The following GNG7 variants were observed in gnomAD, a reference collection of about 807,000 sequenced individuals.
GNG7 encodes G protein subunit gamma 7.
GNG7 carries 1 observed loss-of-function variant against 4.0 expected under a neutral mutation model. That is an observed-to-expected ratio of 0.25 (90% CI 0.09 to 1.18). The LOEUF (loss-of-function observed/expected upper bound fraction) is 1.18, where lower values mean the gene tolerates loss of function less well. Ranked by LOEUF, GNG7 falls within the 50% of genes most tolerant of loss-of-function variation. The pLI is 0.50. For missense variants in GNG7, 86 were observed against 91.9 expected (o/e 0.94, Z 0.26); for synonymous variants, 34 against 36.9 (o/e 0.92, Z 0.29).
chr19:2,601,883 C>T (rs1411288434), intron 2 of GNG7, among the ~76,000 whole-genome samples: 2 of 151,706 alleles, frequency 1.3e-5, no homozygotes, highest in African/African-American at 2.4e-5. Flanking sequence ...GCCTGGGCCA[C>T]AGAGTAAGAC....
At chr19:2,576,450 G>A (rs916626083) in intron 2 of GNG7, among the ~76,000 whole-genome samples, 2 of 152,240 alleles carry the variant, frequency 1.3e-5, no homozygotes, top group Non-Finnish European at 2.9e-5. Context: ...GCAGGCGGGG[G>A]ACGGGCACTG....
At chr19:2,695,581 C>T (rs1419870753) in intron 1 of GNG7, among the ~76,000 whole-genome samples, 2 of 151,724 alleles carry the variant, frequency 1.3e-5, no homozygotes, top group Non-Finnish European at 2.9e-5. Flanking sequence ...CCAGGGGCAC[C>T]GGGGAGGTGG....
rs761011504 is a variant in GNG7 at position 2,625,979 on chromosome 19, G to T, written c.-78+20245C>A. On this transcript the variant is annotated intron_variant, in intron 2 of 4. Transcript: ENST00000382159. ...ATTTTTGTATTTTTAGTAGAGATGG[G>T]GTTTCACTATGTTGGCCAGGCTGGT... Among the ~76,000 whole-genome samples, 192 of 152,084 alleles carry T rather than the reference G, an allele frequency of 1.3e-3. 2 individuals carry two copies. The highest frequency in any genetic ancestry group is 0.011 in the East Asian group (57 of 5,136).
chr19:2,697,180 G>A lies in GNG7; in HGVS notation c.-135+5466C>T, dbSNP rs115003843. On this transcript the variant is annotated intron_variant, in intron 1 of 4. Transcript: ENST00000382159. ...AGCTGATAAACTTATTTAAAAGATG[G>A]AATTGCATCCTTAAAAGGTCTGAAT... Among the ~76,000 whole-genome samples, 371 of 152,308 alleles carry A rather than the reference G, an allele frequency of 2.4e-3. 1 individual carries two copies. The highest frequency in any genetic ancestry group is 8.2e-3 in the African/African-American group (339 of 41,566).
intron 4 of GNG7, among the ~76,000 whole-genome samples, chr19:2,515,519 G>A (rs924732908): frequency 4.0e-5 from 6 of 151,542 alleles, no homozygotes; most frequent in Admixed American, 6.6e-5. Context: ...CCTCCACCTC[G>A]CGGGTTCAAG....
chr19:2,523,374 A>G (rs1476585340), intron 3 of GNG7, among the ~76,000 whole-genome samples: 2 of 151,864 alleles, frequency 1.3e-5, no homozygotes, highest in Non-Finnish European at 2.9e-5. Flanking sequence ...CAACATAGCA[A>G]GACCCCCTCT....
chr19:2,696,294 G>GAA (rs1449100354), intron 1 of GNG7, among the ~76,000 whole-genome samples: 1 of 54,948 alleles, frequency 1.8e-5, no homozygotes, highest in African/African-American at 6.9e-5. Flanking sequence ...GAGAGAGAGA[G>GAA]AAAGAAAGAA....
chr19:2,681,453 G>T (rs1205180014), intron 1 of GNG7, among the ~76,000 whole-genome samples: 2 of 152,200 alleles, frequency 1.3e-5, no homozygotes, highest in Non-Finnish European at 2.9e-5. Context: ...AAAGTGCTGG[G>T]ATTGCAGGCG....
intron 1 of GNG7, among the ~76,000 whole-genome samples, chr19:2,689,222 C>G (rs1004291470): frequency 2.0e-5 from 3 of 150,242 alleles, no homozygotes; most frequent in African/African-American, 7.3e-5. Context: ...GAAAAAAATG[C>G]CAATCATACT....
At chr19:2,627,971 G>C (rs1386363906) in intron 2 of GNG7, among the ~76,000 whole-genome samples, 1 of 152,140 alleles carries the variant, frequency 6.6e-6, no homozygotes, top group Admixed American at 6.6e-5. Flanking sequence ...GTGACGGTCC[G>C]GCCCAGGTGA....
intron 2 of GNG7, among the ~76,000 whole-genome samples, chr19:2,594,243 G>T (rs1980940477): frequency 6.6e-6 from 1 of 151,900 alleles, no homozygotes; most frequent in Admixed American, 6.6e-5. Context: ...TGTGGTGGTG[G>T]GCACCTGTAG....
chr19:2,535,325 C>CAA (rs10606231), intron 3 of GNG7, among the ~76,000 whole-genome samples: 1,863 of 126,044 alleles, frequency 0.015, 22 homozygotes, highest in African/African-American at 0.025. Flanking sequence ...CTTGACTCTA[C>CAA]AAAAAAAAAA....
At chr19:2,650,564 G>A (rs1266579518) in intron 1 of GNG7, among the ~76,000 whole-genome samples, 2 of 152,164 alleles carry the variant, frequency 1.3e-5, no homozygotes, top group African/African-American at 4.8e-5. Context: ...TTTAACCCCA[G>A]CCCCTGGCTG....
chr19:2,539,051 G>A (rs1283266766), intron 3 of GNG7, among the ~76,000 whole-genome samples: 4 of 152,098 alleles, frequency 2.6e-5, no homozygotes, highest in African/African-American at 7.2e-5. Flanking sequence ...GATTACAGGC[G>A]TGAGCCACGG....
intron 1 of GNG7, among the ~76,000 whole-genome samples, chr19:2,689,360 C>T (rs987336258): frequency 6.6e-6 from 1 of 151,700 alleles, no homozygotes; most frequent in African/African-American, 2.4e-5. Context: ...GGGCCGGGCT[C>T]GGTGGGCCTC....
rs778495730 is a variant in GNG7 at position 2,634,940 on chromosome 19, C to T, written c.-78+11284G>A. Among the ~76,000 whole-genome samples, 3 of 151,978 alleles carry T rather than the reference C, an allele frequency of 2.0e-5. No individual in the cohort carries two copies. The highest frequency in any genetic ancestry group is 2.1e-4 in the South Asian group (1 of 4,816). Reference sequence around the variant, plus strand: ...CAAGGAGCTACCAGAAAAACACACTCGGTGATCTGGAGGTCGCAAAGTTCT... The same window carrying T: ...CAAGGAGCTACCAGAAAAACACACTTGGTGATCTGGAGGTCGCAAAGTTCT... On this transcript the variant is annotated intron_variant, in intron 2 of 4. Transcript: ENST00000382159. This position sits in a 1 kb window ranked among gnomAD's most constrained non-coding sequence, Gnocchi z 5.3.
At chr19:2,665,513 T>C (rs573704114) in intron 1 of GNG7, among the ~76,000 whole-genome samples, 1 of 152,296 alleles carries the variant, frequency 6.6e-6, no homozygotes, top group South Asian at 2.1e-4. Context: ...AACGAACGGA[T>C]TTCTATTTCC....
At chr19:2,686,583 G>A (rs975739561) in intron 1 of GNG7, among the ~76,000 whole-genome samples, 34 of 152,106 alleles carry the variant, frequency 2.2e-4, no homozygotes, top group South Asian at 4.1e-4. Flanking sequence ...ATTCGGGACC[G>A]GCAGGACGCA....
At chr19:2,525,971 A>ATTTTTGTTTTTTTTTTTTTTTTTTTT (rs1978380706) in intron 3 of GNG7, among the ~76,000 whole-genome samples, 1 of 75,684 alleles carries the variant, frequency 1.3e-5, no homozygotes, top group Non-Finnish European at 2.3e-5. Context: ...CTCCACGCCA[A>ATTTTTGTTTTTTTTTTTTTTTTTTTT]TTTTTTTTTT....
Sources: gnomAD v4.1 joint callset for allele counts (sites outside exome capture counted in the v4.1 genomes callset) on GRCh38, gnomAD v4.1.1 for gene constraint, Gnocchi (gnomAD v3.1) non-coding constraint, MANE v1.5 for transcripts, NCBI Gene and HGNC (gene_info 2026-07-23, HGNC 2026-07-21) for gene names.